The following ZNF704 variants were observed in gnomAD, a reference collection of about 807,000 sequenced individuals.
ZNF704 encodes zinc finger protein 704.
A neutral mutation model predicts 44.7 loss-of-function variants in ZNF704; 10 were observed. The ratio of observed to expected loss-of-function variants is 0.22; its 90% confidence interval spans 0.14 to 0.38. The LOEUF (loss-of-function observed/expected upper bound fraction) is 0.38, where lower values mean the gene tolerates loss of function less well. Ranked by LOEUF, ZNF704 falls within the 10% of genes least tolerant of loss-of-function variation. The pLI is 1.00. For missense variants in ZNF704, 390 were observed against 545.5 expected (o/e 0.71, Z 2.84); for synonymous variants, 211 against 207.6 (o/e 1.02, Z -0.14).
chr8:80,725,712 A>G (rs1806467532), intron 2 of ZNF704, among the ~76,000 whole-genome samples: 1 of 152,160 alleles, frequency 6.6e-6, no homozygotes, highest in Admixed American at 6.5e-5. Flanking sequence ...TAGACTGTAC[A>G]TATAAGTTTT....
intron 7 of ZNF704, chr8:80,658,686 T>C (rs952530423): frequency 3.3e-5 from 5 of 152,246 alleles, no homozygotes; most frequent in African/African-American, 1.2e-4. Context: ...TATTCCTCTA[T>C]GGAATTTAAT....
intron 2 of ZNF704, among the ~76,000 whole-genome samples, chr8:80,705,742 G>GT (rs1203701478): frequency 6.6e-6 from 1 of 152,140 alleles, no homozygotes; most frequent in African/African-American, 2.4e-5. Flanking sequence ...GTCTCTGGCT[G>GT]CCAGGGCAGC....
chr8:80,795,687 C>A (rs562656061), intron 2 of ZNF704, among the ~76,000 whole-genome samples: 1 of 147,924 alleles, frequency 6.8e-6, no homozygotes, highest in East Asian at 2.0e-4. Flanking sequence ...CATTGCACTC[C>A]AGCCTGGGCA....
intron 7 of ZNF704, among the ~76,000 whole-genome samples, chr8:80,657,885 G>A (rs1208219796): frequency 6.6e-6 from 1 of 152,082 alleles, no homozygotes; most frequent in Non-Finnish European, 1.5e-5. Context: ...AGAGTGAAAT[G>A]AGGGATTCTG....
At chr8:80,657,705 A>C (rs1168406417) in intron 7 of ZNF704, among the ~76,000 whole-genome samples, 1 of 152,076 alleles carries the variant, frequency 6.6e-6, no homozygotes, top group Non-Finnish European at 1.5e-5. Flanking sequence ...AAAAAAAAAA[A>C]AAAAAGCTCA....
At chr8:80,702,162 C>T (rs1459743854) in intron 2 of ZNF704, among the ~76,000 whole-genome samples, 5 of 152,070 alleles carry the variant, frequency 3.3e-5, no homozygotes, top group East Asian at 1.9e-4. Context: ...ACAACCACCC[C>T]GTCTACCTGG....
intron 1 of ZNF704, among the ~76,000 whole-genome samples, chr8:80,841,850 C>A (rs1460128036): frequency 6.6e-6 from 1 of 152,168 alleles, no homozygotes; most frequent in Non-Finnish European, 1.5e-5. Flanking sequence ...AATGCAGTGG[C>A]ATGATCATAG....
upstream of ZNF704, among the ~76,000 whole-genome samples, chr8:80,877,845 T>C (rs1432944452): frequency 1.3e-5 from 2 of 152,158 alleles, no homozygotes; most frequent in East Asian, 1.9e-4. Flanking sequence ...ATTAAGTGTC[T>C]ACATGAAAAA....
At chr8:80,855,826 T>C (rs1808951457) in intron 1 of ZNF704, among the ~76,000 whole-genome samples, 1 of 152,226 alleles carries the variant, frequency 6.6e-6, no homozygotes, top group South Asian at 2.1e-4. Flanking sequence ...TTCAACCTCC[T>C]AAGGTAACGA....
At chr8:80,695,896 C>T (rs1187112140) in intron 2 of ZNF704, among the ~76,000 whole-genome samples, 1 of 152,192 alleles carries the variant, frequency 6.6e-6, no homozygotes, top group East Asian at 1.9e-4. Context: ...CTAACAACAA[C>T]AACAAAGTCA....
chr8:80,736,460 A>G (rs1806667615), intron 2 of ZNF704, among the ~76,000 whole-genome samples: 1 of 152,064 alleles, frequency 6.6e-6, no homozygotes, highest in Non-Finnish European at 1.5e-5. Context: ...TTGTATTTTT[A>G]GTAGAGACAG....
chr8:80,666,464 A>C lies in ZNF704; in HGVS notation c.660-1382T>G, dbSNP rs1167536354. Among the ~76,000 whole-genome samples, 196 of 147,424 alleles carry C rather than the reference A, an allele frequency of 1.3e-3. 2 individuals carry two copies. Among genetic ancestry groups the C allele is most frequent in the African/African-American group, 4.0e-3 (162 of 40,182 alleles). ...CTTTATAGCAGCATGATTTATAGTC[A>C]TTTGGGTATATACCCAGTAATGGGA... On this transcript the variant is annotated intron_variant, in intron 5 of 8. Transcript: ENST00000327835.
At chr8:80,878,978 C>T (rs545075333), upstream of ZNF704, among the ~76,000 whole-genome samples, 72 of 152,244 alleles carry the variant, frequency 4.7e-4, no homozygotes, top group African/African-American at 1.6e-3. Context: ...ATAAATAGAA[C>T]GCTGGATTGA....
At chr8:80,768,312 T>C (rs983394608) in intron 2 of ZNF704, among the ~76,000 whole-genome samples, 2 of 152,206 alleles carry the variant, frequency 1.3e-5, no homozygotes, top group African/African-American at 4.8e-5. Flanking sequence ...TATGTCCTTG[T>C]CAGTACATCT....
chr8:80,636,186 A>G lies in ZNF704; in HGVS notation c.*5180T>C, dbSNP rs1366612397. The G allele has an allele frequency of 1.3e-5, 2 of 152,208 alleles. No homozygotes were observed. The highest frequency in any genetic ancestry group is 4.8e-5 in the African/African-American group (2 of 41,464). 9.4% of individuals were successfully genotyped at this position (152,208 alleles called of 1,614,324 possible). A position where few individuals can be genotyped will look rare whatever the true frequency, so the allele number is the denominator to read the frequency against. ...CTTGTTTTATTTGGAAAATTAAGTT[A>G]TAATTGTTTTTGTATTTAAAGGTTA... is the stretch of plus-strand genomic sequence containing the variant. On this transcript the variant is annotated 3_prime_UTR_variant, in exon 9 of 9. Transcript: ENST00000327835.
chr8:80,871,362 C>G (rs149066399), intron 1 of ZNF704, among the ~76,000 whole-genome samples: 48 of 152,318 alleles, frequency 3.2e-4, no homozygotes, highest in Non-Finnish European at 5.7e-4. Flanking sequence ...CTCCTTTCCA[C>G]CTCAAGACTT....
chr8:80,725,547 T>C (rs1806462058), intron 2 of ZNF704, among the ~76,000 whole-genome samples: 1 of 151,894 alleles, frequency 6.6e-6, no homozygotes, highest in Non-Finnish European at 1.5e-5. Flanking sequence ...ACATAGGGGA[T>C]GGGGAAAAGA....
Position 80,665,091 on chromosome 8 carries a change from A to G in ZNF704, c.660-9T>C, listed in dbSNP as rs753080240. ...CAGAGTCTCCAACGCGCCTAATGCAAAAGAGAGTAAAACAATCATACTAAG... is the reference window on the plus strand; with the variant it reads ...CAGAGTCTCCAACGCGCCTAATGCAGAAGAGAGTAAAACAATCATACTAAG... On this transcript the variant is annotated splice_polypyrimidine_tract_variant and intron_variant, in intron 5 of 8. Coordinates refer to ENST00000327835, the MANE Select transcript of ZNF704 (RefSeq NM_001033723.3). The G allele has an allele frequency of 1.2e-6, 2 of 1,612,992 alleles. No homozygotes were observed. Among genetic ancestry groups the G allele is most frequent in the South Asian group, 1.1e-5 (1 of 91,076 alleles).
At chr8:80,850,413 C>T (rs1808838853) in intron 1 of ZNF704, among the ~76,000 whole-genome samples, 1 of 151,986 alleles carries the variant, frequency 6.6e-6, no homozygotes, top group African/African-American at 2.4e-5. Context: ...AAAAAACTTC[C>T]ATATAAAAGT....
Sources: allele counts gnomAD v4.1 joint callset (sites outside exome capture counted in the v4.1 genomes callset), GRCh38; gene constraint gnomAD v4.1.1; transcripts MANE v1.5; gene names NCBI Gene and HGNC (gene_info 2026-07-23, HGNC 2026-07-21).